The following ROBO1 variants were observed in gnomAD, a reference collection of about 807,000 sequenced individuals.
The protein encoded by ROBO1 is roundabout homolog 1.
Under a neutral mutation model 195.9 loss-of-function variants are expected in ROBO1, and 149 were observed. That is an observed-to-expected ratio of 0.76 (90% CI 0.67 to 0.87). The LOEUF is 0.87. Ranked by LOEUF, ROBO1 falls within the 40% of genes least tolerant of loss-of-function variation. The pLI is 0.00. For missense variants in ROBO1, 1,933 were observed against 2,068.3 expected (o/e 0.93, Z 1.27); for synonymous variants, 816 against 733.2 (o/e 1.11, Z -1.82).
chr3:78,608,962 C>T (rs1055212812), intron 28 of ROBO1, among the ~76,000 whole-genome samples: 1 of 151,870 alleles, frequency 6.6e-6, no homozygotes, highest in Non-Finnish European at 1.5e-5. Flanking sequence ...TTTGGAGTAT[C>T]AAAATAGAAA....
intron 1 of ROBO1, among the ~76,000 whole-genome samples, chr3:79,642,384 C>A (rs1219895361): frequency 6.6e-6 from 1 of 151,994 alleles, no homozygotes; most frequent in African/African-American, 2.4e-5. Context: ...AGAAAACTTT[C>A]CAAAACTTGA....
At chr3:79,503,176 C>G (rs952127801) in intron 2 of ROBO1, among the ~76,000 whole-genome samples, 9 of 152,276 alleles carry the variant, frequency 5.9e-5, no homozygotes, top group African/African-American at 2.2e-4. Flanking sequence ...AGCTTCACTT[C>G]TGAAGCCAGC....
At chr3:79,397,226 A>G (rs1484772852) in intron 2 of ROBO1, among the ~76,000 whole-genome samples, 1 of 150,498 alleles carries the variant, frequency 6.6e-6, no homozygotes, top group African/African-American at 2.4e-5. Context: ...AAGTATATAT[A>G]TACACTTAAT....
chr3:79,010,413 T>C (rs1230946584), intron 3 of ROBO1, among the ~76,000 whole-genome samples: 2 of 152,118 alleles, frequency 1.3e-5, no homozygotes, highest in African/African-American at 4.8e-5. Flanking sequence ...AATATGATTG[T>C]TTTAAGTATT....
intron 1 of ROBO1, among the ~76,000 whole-genome samples, chr3:79,701,897 T>C (rs1947632215): frequency 1.3e-5 from 2 of 151,822 alleles, no homozygotes; most frequent in South Asian, 4.1e-4. Context: ...AAATTACCCA[T>C]ATGGCTCACT....
chr3:78,885,909 TTATATATA>T lies in ROBO1; in HGVS notation c.499+52684_499+52691del, dbSNP rs10651992. ...AGACCCTACTACTGATAGCAAAATT[TTATATATA>T]TATATATATATATATATATATATAC... On this transcript the variant is annotated intron_variant, in intron 4 of 30. Coordinates refer to ENST00000464233, the MANE Select transcript of ROBO1 (RefSeq NM_002941.4). Among the ~76,000 whole-genome samples, 402 of 117,742 alleles carry T rather than the reference TTATATATA, an allele frequency of 3.4e-3. 4 individuals carry two copies. The highest frequency in any genetic ancestry group is 0.012 in the African/African-American group (360 of 29,678). 77.2% of individuals were successfully genotyped at this position (117,742 alleles called of 152,430 possible). A position where few individuals can be genotyped will look rare whatever the true frequency, so the allele number is the denominator to read the frequency against.
chr3:79,107,393 T>A (rs1365225632), intron 3 of ROBO1, among the ~76,000 whole-genome samples: 1 of 151,786 alleles, frequency 6.6e-6, no homozygotes, highest in Non-Finnish European at 1.5e-5. Flanking sequence ...CATTGTTTCA[T>A]TATAAGAGTT....
At chr3:79,443,002 G>T (rs1575831308) in intron 2 of ROBO1, among the ~76,000 whole-genome samples, 2 of 152,138 alleles carry the variant, frequency 1.3e-5, no homozygotes, top group East Asian at 3.9e-4. Context: ...ATTAAGTTCA[G>T]ATGTCTTTGT....
At chr3:78,999,804 C>T (rs1191388118) in intron 3 of ROBO1, among the ~76,000 whole-genome samples, 1 of 152,116 alleles carries the variant, frequency 6.6e-6, no homozygotes, top group Non-Finnish European at 1.5e-5. Context: ...CTTCAGTATA[C>T]ATACAACATG....
At chr3:78,960,184 A>G (rs72906187) in intron 3 of ROBO1, among the ~76,000 whole-genome samples, 2,635 of 152,228 alleles carry the variant, frequency 0.017, 82 homozygotes, top group African/African-American at 0.059. Context: ...CTCTAAAAAC[A>G]TAGAAAATTA....
intron 4 of ROBO1, among the ~76,000 whole-genome samples, chr3:78,804,366 CCCTCATTTCTCAAGCGTTTTAGG>C (rs1293738017): frequency 1.3e-4 from 19 of 151,912 alleles, no homozygotes; most frequent in African/African-American, 4.4e-4. Context: ...AGTTAAGCTA[CCCTCATTTCTCAAGCGTTTTAGG>C]TTAGGTTTCT....
At chr3:79,292,186 T>C (rs2032291315) in intron 2 of ROBO1, among the ~76,000 whole-genome samples, 1 of 152,176 alleles carries the variant, frequency 6.6e-6, no homozygotes, top group Non-Finnish European at 1.5e-5. Flanking sequence ...TTGTCTATTA[T>C]TGGTGTATAG....
intron 3 of ROBO1, among the ~76,000 whole-genome samples, chr3:79,050,933 A>G (rs2078684951): frequency 6.6e-6 from 1 of 152,176 alleles, no homozygotes. Flanking sequence ...AATTTATAGC[A>G]CTAAATGCTC....
rs531756778 is a variant in ROBO1, at chr3:79,328,975, G to A, written c.89-203436C>T. Among the ~76,000 whole-genome samples the A allele has an allele frequency of 3.3e-5, 5 of 152,216 alleles. 1 individual carries two copies. The South Asian group carries it at 6.2e-4, about 19-fold the overall frequency. On this transcript the variant is annotated intron_variant, in intron 2 of 30. Transcript: ENST00000464233. ...GAGGTTTGAGATTCTGGATTTCTAA[G>A]GATAGAAGGCGTCATAAAAGACATC...
chr3:78,823,034 G>A (rs2031166527), intron 4 of ROBO1, among the ~76,000 whole-genome samples: 1 of 152,064 alleles, frequency 6.6e-6, no homozygotes, highest in Admixed American at 6.6e-5. Flanking sequence ...GTACTTCATT[G>A]CTTTTCACTA....
At chr3:79,106,280 G>A (rs992986161) in intron 3 of ROBO1, among the ~76,000 whole-genome samples, 5 of 151,552 alleles carry the variant, frequency 3.3e-5, no homozygotes, top group Non-Finnish European at 1.5e-5. Context: ...CCTCTGGGAA[G>A]CAAAAAGCTA....
At chr3:78,669,688 T>C (rs1559722211) in intron 11 of ROBO1, among the ~76,000 whole-genome samples, 1 of 152,182 alleles carries the variant, frequency 6.6e-6, no homozygotes, top group African/African-American at 2.4e-5. Flanking sequence ...CATTGCAAAA[T>C]GCTGAAACAA....
intron 26 of ROBO1, among the ~76,000 whole-genome samples, chr3:78,618,979 T>C (rs1392163586): frequency 6.6e-6 from 1 of 151,992 alleles, no homozygotes; most frequent in African/African-American, 2.4e-5. Context: ...GGAAGCAAGA[T>C]TCGTGGAAGG....
chr3:78,798,166 C>T (rs569224239), intron 4 of ROBO1, among the ~76,000 whole-genome samples: 2 of 152,118 alleles, frequency 1.3e-5, no homozygotes, highest in Non-Finnish European at 2.9e-5. Context: ...GGAGGTAAGA[C>T]GTGATGGGGA....
Sources: gnomAD v4.1 joint callset for allele counts (sites outside exome capture counted in the v4.1 genomes callset) on GRCh38, gnomAD v4.1.1 for gene constraint, MANE v1.5 for transcripts, NCBI Gene and HGNC (gene_info 2026-07-23, HGNC 2026-07-21) for gene names.